Variants in LMOD1 observed in about 807,000 individuals in gnomAD.
The protein encoded by LMOD1 is leiomodin 1, also known as leiomodin-1.
LMOD1 carries 8 observed loss-of-function variants against 36.5 expected under a neutral mutation model. The ratio of observed to expected loss-of-function variants is 0.22; its 90% CI spans 0.13 to 0.40. The LOEUF (loss-of-function observed/expected upper bound fraction) is 0.40. LMOD1 is among the 10% of genes least tolerant of loss of function. The probability of loss-of-function intolerance (pLI) is 1.00; values close to 1 mark genes in which losing one functional copy is unlikely to be tolerated. For missense variants in LMOD1, 630 were observed against 751.1 expected (o/e 0.84, Z 1.88); for synonymous variants, 284 against 288.7 (o/e 0.98, Z 0.17).
intron 1 of LMOD1, among the ~76,000 whole-genome samples, chr1:201,919,845 T>C (rs1183706854): frequency 6.6e-6 from 1 of 152,150 alleles, no homozygotes; most frequent in Non-Finnish European, 1.5e-5. Flanking sequence ...TCTGGTATCC[T>C]ACTACAGGCC....
intron 1 of LMOD1, among the ~76,000 whole-genome samples, chr1:201,912,307 A>G (rs998239692): frequency 6.6e-6 from 1 of 152,196 alleles, no homozygotes; most frequent in African/African-American, 2.4e-5. Context: ...CACTCTACTC[A>G]TGGTCCAGGA....
intron 1 of LMOD1, among the ~76,000 whole-genome samples, chr1:201,910,282 T>A (rs1455699211): frequency 6.6e-6 from 1 of 151,738 alleles, no homozygotes; most frequent in Non-Finnish European, 1.5e-5. Context: ...GCATTTTTTT[T>A]TTTTTTTTTG....
rs769532248 is a variant in LMOD1 at position 201,900,598 on chromosome 1, C to T, written c.415G>A (p.Asp139Asn). The change falls in exon 2 of 3, where the codon GAT becomes AAT. Residue 139 changes from aspartate (D) to asparagine (N), a missense_variant. Transcript: ENST00000367288. ...GLKKSFSRDR[D>N]EAGGKSGEKP... The stretch of plus-strand genomic sequence containing the variant: ...TCGCCACTCTTGCCACCAGCTTCAT[C>T]TCTGTCTCTAGAGAAGCTTTTCTTT... 6.2e-7 allele frequency: 1 copy of T among 1,613,818 alleles called. No homozygotes were observed. Among genetic ancestry groups the T allele is most frequent in the African/African-American group, 1.3e-5 (1 of 74,914 alleles).
chr1:201,946,031 C>G, intron 1 of LMOD1, 49 bp downstream of exon 1: 2 of 1,577,370 alleles, frequency 1.3e-6, no homozygotes, highest in Non-Finnish European at 8.7e-7. Flanking sequence ...GCCAGGGTCT[C>G]CAGCCCTCCC....
rs1681248868 is a variant in LMOD1 at position 201,899,351 on chromosome 1, G to T, written c.1662C>A (p.Leu554=). ...CCATCTTCCTCTGGGTAGCTGGTGA[G>T]AGTGAATTCTTCAGGTTCTCCATGA... is the stretch of plus-strand genomic sequence containing the variant. ...PLIMENLKNS[L]SPATQRKMGD... Residue 554 remains leucine (L), a synonymous_variant, in exon 2 of 3, where the codon CTC becomes CTA. Coordinates refer to ENST00000367288, the MANE Select transcript of LMOD1 (RefSeq NM_012134.3). This position sits in a 1 kb window ranked among gnomAD's most constrained non-coding sequence, Gnocchi z 6.3. 1 of 1,586,214 alleles carries T rather than the reference G, an allele frequency of 6.3e-7. No homozygotes were observed. The highest frequency in any genetic ancestry group is 8.6e-7 in the Non-Finnish European group (1 of 1,163,426).
rs1330673687 is a variant in LMOD1 at position 201,897,555 on chromosome 1, CCTGAGCTT to C, written c.*809_*816del. 1 of 152,760 alleles carries C rather than the reference CCTGAGCTT, an allele frequency of 6.5e-6. No homozygotes were observed. Among genetic ancestry groups the C allele is most frequent in the African/African-American group, 2.4e-5 (1 of 41,444 alleles). 9.5% of individuals were successfully genotyped at this position (152,760 alleles called of 1,614,324 possible). The stretch of plus-strand genomic sequence containing the variant: ...CCAACTCAAATAGTGTGGCAGGGAA[CCTGAGCTT>C]CTAGAGTCCTCCAGGGAGCCCAGGG... On this transcript the variant is annotated 3_prime_UTR_variant, in exon 3 of 3. Transcript: ENST00000367288.
chr1:201,917,992 C>T (rs757106288), intron 1 of LMOD1, among the ~76,000 whole-genome samples: 2 of 152,200 alleles, frequency 1.3e-5, no homozygotes, highest in South Asian at 2.1e-4. Flanking sequence ...GAGGGCCCTA[C>T]GCTTGGTTTA....
chr1:201,931,385 A>C (rs1398318893), intron 1 of LMOD1, among the ~76,000 whole-genome samples: 2 of 152,150 alleles, frequency 1.3e-5, no homozygotes, highest in African/African-American at 4.8e-5. Flanking sequence ...AAATACAAAA[A>C]TTAGCTGGGC....
Position 201,937,310 on chromosome 1 carries a change from G to A in LMOD1, c.261+8770C>T, listed in dbSNP as rs61235282. ...AATAATTTAAAAATTATCTGGGCGC[G>A]GTGGGACACACCTGTAGTCCTAACT... is the stretch of plus-strand genomic sequence containing the variant. On this transcript the variant is annotated intron_variant, in intron 1 of 2. Transcript: ENST00000367288. Among the ~76,000 whole-genome samples, 677 of 151,924 alleles carry A rather than the reference G, an allele frequency of 4.5e-3. 5 individuals carry two copies. Among genetic ancestry groups the A allele is most frequent in the African/African-American group, 0.015 (632 of 41,414 alleles).
chr1:201,943,529 G>T (rs1315045402), intron 1 of LMOD1, among the ~76,000 whole-genome samples: 1 of 152,158 alleles, frequency 6.6e-6, no homozygotes, highest in Non-Finnish European at 1.5e-5. Flanking sequence ...TGGTGTTGGT[G>T]GTCCCCACTC....
rs544017757 is a variant in LMOD1, at chr1:201,938,053, C to G, written c.261+8027G>C. Among the ~76,000 whole-genome samples, 15 of 152,064 alleles carry G rather than the reference C, an allele frequency of 9.9e-5. 1 individual carries two copies. Among genetic ancestry groups the G allele is most frequent in the African/African-American group, 2.2e-4 (9 of 41,454 alleles). Reference sequence around the variant, plus strand: ...GGCCTTTACTACTAGGTTTCCAACCCAGCACTCTGCTTAGTGCTTTATGTG... The same window carrying G: ...GGCCTTTACTACTAGGTTTCCAACCGAGCACTCTGCTTAGTGCTTTATGTG... On this transcript the variant is annotated intron_variant, in intron 1 of 2. Transcript: ENST00000367288.
At chr1:201,933,556 AATAC>A (rs1269913511) in intron 1 of LMOD1, among the ~76,000 whole-genome samples, 11 of 124,726 alleles carry the variant, frequency 8.8e-5, no homozygotes, top group African/African-American at 3.1e-4. Context: ...ATATATATAT[AATAC>A]ATATATATAT....
chr1:201,899,594 C>T lies in LMOD1; in HGVS notation c.1419G>A (p.Lys473=), dbSNP rs1395143769. ...GCTCCTGCAGCCGCTTTTGTCTCTG[C>T]TTGTCCATGTTGCGGCTGAGCAGAT... The part of the protein sequence containing the change: ...VTNLLSRNMD[K]QRQKRLQEQR... The change falls in exon 2 of 3, where the codon AAG becomes AAA. Residue 473 remains lysine (K), a synonymous_variant. Transcript: ENST00000367288. The surrounding 1 kb of genome is among the most constrained non-coding windows in gnomAD (Gnocchi z 6.3). 2 of 1,612,878 alleles carry T rather than the reference C, an allele frequency of 1.2e-6. No homozygotes were observed. The highest frequency in any genetic ancestry group is 1.7e-5 in the Admixed American group (1 of 59,808).
chr1:201,944,635 G>A (rs3001022), intron 1 of LMOD1, among the ~76,000 whole-genome samples: 80,573 of 151,850 alleles, frequency 0.53, 24,332 homozygotes, highest in Non-Finnish European at 0.69. Flanking sequence ...CAACCACCTT[G>A]TGCATACAGG....
chr1:201,906,571 A>T (rs1681416827), intron 1 of LMOD1, among the ~76,000 whole-genome samples: 1 of 152,202 alleles, frequency 6.6e-6, no homozygotes, highest in African/African-American at 2.4e-5. Context: ...GGGACAGCAG[A>T]TGCCTTACAG....
At chr1:201,938,993 G>C (rs1373200976) in intron 1 of LMOD1, among the ~76,000 whole-genome samples, 1 of 152,158 alleles carries the variant, frequency 6.6e-6, no homozygotes, top group Non-Finnish European at 1.5e-5. Flanking sequence ...GGGCCCCTGA[G>C]CCTGTGACAT....
At chr1:201,919,438 A>AG (rs1288342547) in intron 1 of LMOD1, among the ~76,000 whole-genome samples, 1 of 151,890 alleles carries the variant, frequency 6.6e-6, no homozygotes, top group Non-Finnish European at 1.5e-5. Context: ...TCCTGACCTC[A>AG]GGTGATCTGC....
chr1:201,902,037 T>C (rs1273086896), intron 1 of LMOD1, among the ~76,000 whole-genome samples: 2 of 151,024 alleles, frequency 1.3e-5, no homozygotes, highest in Admixed American at 6.6e-5. Context: ...CCTCAAGCAG[T>C]CCTCCCACCT....
At chr1:201,917,151 A>T (rs960115353) in intron 1 of LMOD1, among the ~76,000 whole-genome samples, 1 of 152,166 alleles carries the variant, frequency 6.6e-6, no homozygotes, top group Non-Finnish European at 1.5e-5. Flanking sequence ...GTGTCACCAA[A>T]CTCTGCCAAG....
Sources: gnomAD v4.1 joint callset for allele counts (sites outside exome capture counted in the v4.1 genomes callset) on GRCh38, gnomAD v4.1.1 for gene constraint, Gnocchi (gnomAD v3.1) non-coding constraint, MANE v1.5 for transcripts, NCBI Gene and HGNC (gene_info 2026-07-23, HGNC 2026-07-21) for gene names.